Variants in TAFA4 observed in about 807,000 individuals in gnomAD.
TAFA4 encodes the protein TAFA chemokine like family member 4.
Under a neutral mutation model 21.1 loss-of-function variants are expected in TAFA4, and 20 were observed. The ratio of observed to expected loss-of-function variants is 0.95; its 90% CI spans 0.67 to 1.38. The LOEUF (loss-of-function observed/expected upper bound fraction) is 1.38, where lower values mean the gene tolerates loss of function less well. TAFA4 is among the 40% of genes most tolerant of loss of function. TAFA4 has a pLI of 0.00. For synonymous variants in TAFA4, 71 were observed against 67.4 expected (o/e 1.05, Z -0.26); for missense variants, 211 against 180.9 (o/e 1.17, Z -0.95).
chr3:68,886,601 T>C (rs1196080349), intron 1 of TAFA4, among the ~76,000 whole-genome samples: 2 of 152,160 alleles, frequency 1.3e-5, no homozygotes, highest in Non-Finnish European at 2.9e-5. Context: ...TATTCTTTTT[T>C]CAATTCATTA....
At chr3:68,809,862 T>C (rs144830190) in intron 3 of TAFA4, among the ~76,000 whole-genome samples, 160 of 152,302 alleles carry the variant, frequency 1.1e-3, no homozygotes, top group African/African-American at 3.6e-3. Context: ...TTGTCAAAAA[T>C]CATTGGTCCG....
Position 68,912,310 on chromosome 3 carries a change from G to A in TAFA4, c.-123+19930C>T, listed in dbSNP as rs2089967555. 1.3e-5 allele frequency among the ~76,000 whole-genome samples: 2 copies of A among 152,112 alleles called. 1 individual carries two copies. The highest frequency in any genetic ancestry group is 1.3e-4 in the Admixed American group (2 of 15,268). Reference sequence around the variant, plus strand: ...GGTCTTTTTATTTGCTTGCAGAATAGTACATCAAAAGAAAGATTGGGGAGA... The same window carrying A: ...GGTCTTTTTATTTGCTTGCAGAATAATACATCAAAAGAAAGATTGGGGAGA... On this transcript the variant is annotated intron_variant, in intron 1 of 5. Transcript: ENST00000295569.
chr3:68,738,146 G>GA (rs1163696439), intron 5 of TAFA4, among the ~76,000 whole-genome samples: 4 of 152,152 alleles, frequency 2.6e-5, no homozygotes, highest in Admixed American at 6.5e-5. Flanking sequence ...AGAAGTCCCC[G>GA]AAAAAATGAT....
intron 3 of TAFA4, among the ~76,000 whole-genome samples, chr3:68,797,060 T>C (rs1703466256): frequency 6.6e-6 from 1 of 152,162 alleles, no homozygotes. Context: ...AAATGTAAAA[T>C]GGTACAACTA....
chr3:68,926,110 T>C (rs961677077), intron 1 of TAFA4, among the ~76,000 whole-genome samples: 2 of 151,930 alleles, frequency 1.3e-5, no homozygotes, highest in African/African-American at 4.8e-5. Flanking sequence ...CGCACGCCTG[T>C]ACTCCCAGCT....
At chr3:68,814,966 A>T (rs1703933465) in intron 3 of TAFA4, among the ~76,000 whole-genome samples, 1 of 152,190 alleles carries the variant, frequency 6.6e-6, no homozygotes, top group Non-Finnish European at 1.5e-5. Flanking sequence ...CAAAACAGAG[A>T]TATAGACCAA....
chr3:68,858,930 A>C (rs2089286807), intron 3 of TAFA4, among the ~76,000 whole-genome samples: 1 of 152,052 alleles, frequency 6.6e-6, no homozygotes, highest in African/African-American at 2.4e-5. Context: ...GGGTCAATGT[A>C]AATGACAGAG....
At chr3:68,928,861 AATAG>A (rs1214069296) in intron 1 of TAFA4, among the ~76,000 whole-genome samples, 2 of 152,156 alleles carry the variant, frequency 1.3e-5, no homozygotes, top group Admixed American at 1.3e-4. Context: ...TAAATAACAT[AATAG>A]ATCCAAGGTA....
intron 2 of TAFA4, among the ~76,000 whole-genome samples, chr3:68,881,551 C>G: frequency 6.6e-6 from 1 of 152,138 alleles, no homozygotes; most frequent in East Asian, 1.9e-4. Context: ...TTTATAACAT[C>G]AGAAGGGAAT....
chr3:68,784,438 G>A (rs544959517), intron 3 of TAFA4, among the ~76,000 whole-genome samples: 3 of 152,204 alleles, frequency 2.0e-5, no homozygotes, highest in African/African-American at 4.8e-5. Flanking sequence ...TCACGGTCTC[G>A]CTGGCTCAGG....
chr3:68,907,812 T>C (rs1283788555), intron 1 of TAFA4, among the ~76,000 whole-genome samples: 1 of 152,188 alleles, frequency 6.6e-6, no homozygotes, highest in Non-Finnish European at 1.5e-5. Context: ...ATAGGAGATG[T>C]ACCAGCGAAT....
intron 1 of TAFA4, among the ~76,000 whole-genome samples, chr3:68,902,880 T>A (rs538236047): frequency 6.6e-6 from 1 of 152,318 alleles, no homozygotes; most frequent in African/African-American, 2.4e-5. Flanking sequence ...CAGATCCTGC[T>A]TGAGAAAACC....
chr3:68,775,609 G>A (rs774459800), intron 3 of TAFA4, among the ~76,000 whole-genome samples: 4 of 152,216 alleles, frequency 2.6e-5, no homozygotes, highest in East Asian at 1.9e-4. Flanking sequence ...CAGGGTGTTC[G>A]GGGTTTGCTC....
intron 3 of TAFA4, among the ~76,000 whole-genome samples, chr3:68,765,930 T>C (rs936525932): frequency 2.0e-5 from 3 of 152,146 alleles, no homozygotes; most frequent in Non-Finnish European, 4.4e-5. Flanking sequence ...ACCATCAGTG[T>C]ACTCAAAAAT....
chr3:68,850,787 T>C (rs1263327459), intron 3 of TAFA4, among the ~76,000 whole-genome samples: 1 of 152,132 alleles, frequency 6.6e-6, no homozygotes, highest in Admixed American at 6.6e-5. Flanking sequence ...TATCAGACCT[T>C]TGACAGATGG....
At chr3:68,784,364 G>A (rs1703209405) in intron 3 of TAFA4, among the ~76,000 whole-genome samples, 1 of 152,112 alleles carries the variant, frequency 6.6e-6, no homozygotes, top group African/African-American at 2.4e-5. Context: ...TCTTAAGGTG[G>A]CACATCTGGA....
intron 3 of TAFA4, among the ~76,000 whole-genome samples, chr3:68,864,812 T>C (rs2089395227): frequency 6.6e-6 from 1 of 152,004 alleles, no homozygotes; most frequent in Non-Finnish European, 1.5e-5. Context: ...AGAACCCATA[T>C]ATATGCAGCA....
intron 3 of TAFA4, among the ~76,000 whole-genome samples, chr3:68,763,944 TTAAA>T (rs945121458): frequency 6.6e-6 from 1 of 151,086 alleles, no homozygotes; most frequent in African/African-American, 2.4e-5. Context: ...GTTAGTTGAT[TTAAA>T]TAAATAACAT....
chr3:68,858,086 G>T (rs969220610), intron 3 of TAFA4, among the ~76,000 whole-genome samples: 1 of 152,132 alleles, frequency 6.6e-6, no homozygotes, highest in African/African-American at 2.4e-5. Context: ...TCAGCAATCA[G>T]TATGGCAGTG....
Sources: allele counts gnomAD v4.1 joint callset (sites outside exome capture counted in the v4.1 genomes callset), GRCh38; gene constraint gnomAD v4.1.1; transcripts MANE v1.5; gene names NCBI Gene and HGNC (gene_info 2026-07-23, HGNC 2026-07-21).